The following MSI2 variants were observed in gnomAD, a reference collection of about 807,000 sequenced individuals.
The protein encoded by MSI2 is musashi RNA binding protein 2.
A neutral mutation model predicts 45.6 loss-of-function variants in MSI2; 17 were observed. The observed-to-expected ratio is 0.37, with a 90% CI of 0.26 to 0.56. The LOEUF (loss-of-function observed/expected upper bound fraction) is 0.56, where lower values mean the gene tolerates loss of function less well. Ranked by LOEUF, MSI2 falls within the 20% of genes least tolerant of loss-of-function variation. The pLI is 0.77. For synonymous variants in MSI2, 156 were observed against 158.2 expected (o/e 0.99, Z 0.11); for missense variants, 293 against 444.2 (o/e 0.66, Z 3.06).
At chr17:57,435,141 C>T (rs1450009877) in intron 6 of MSI2, among the ~76,000 whole-genome samples, 2 of 152,032 alleles carry the variant, frequency 1.3e-5, no homozygotes, top group Non-Finnish European at 2.9e-5. Flanking sequence ...CCTTGAGTTG[C>T]AACTTGGGGC....
Position 57,463,990 on chromosome 17 carries a change from C to CGTGT in MSI2, c.405+62546_405+62549dup, listed in dbSNP as rs58522672. On this transcript the variant is annotated intron_variant, in intron 6 of 13. Coordinates refer to ENST00000284073, the MANE Select transcript of MSI2 (RefSeq NM_138962.4). ...ATGTAGTTTGGTTCAGTTTAATGAA[C>CGTGT]GTGTGTGTGTGTGTGTGTGTGTGTG... Among the ~76,000 whole-genome samples the CGTGT allele has an allele frequency of 9.0e-3, 1,315 of 146,372 alleles. 8 individuals carry two copies. Among genetic ancestry groups the CGTGT allele is most frequent in the African/African-American group, 0.014 (536 of 39,626 alleles).
At chr17:57,321,957 C>T (rs1034382798) in intron 5 of MSI2, among the ~76,000 whole-genome samples, 8 of 152,076 alleles carry the variant, frequency 5.3e-5, no homozygotes, top group Admixed American at 1.3e-4. Flanking sequence ...CCACCATGCC[C>T]GGCTAGTTTT....
In MSI2 at chr17:57,675,567, G is replaced by A. The variant is rs548130246; in HGVS notation, c.945+441G>A. On this transcript the variant is annotated intron_variant, in intron 12 of 13. Transcript: ENST00000284073. ...ATCCCCGCTTTCTGGACACTGTCAT[G>A]TGGGCTGGGACCTGAGAGCTGGGAA... 7.2e-5 allele frequency among the ~76,000 whole-genome samples: 11 copies of A among 152,334 alleles called. No individual in the cohort carries two copies. The East Asian group carries it at 2.1e-3, about 29-fold the overall frequency.
intron 10 of MSI2, chr17:57,632,042 C>G: frequency 7.5e-7 from 1 of 1,341,724 alleles, no homozygotes; most frequent in Non-Finnish European, 9.5e-7. Flanking sequence ...TCTCCAGTCC[C>G]CTCCCACTTT....
intron 5 of MSI2, among the ~76,000 whole-genome samples, chr17:57,290,026 G>C (rs1216166650): frequency 6.6e-6 from 1 of 152,250 alleles, no homozygotes; most frequent in African/African-American, 2.4e-5. Context: ...TGGAGAGGGT[G>C]TGGGGAGTCT....
intron 6 of MSI2, among the ~76,000 whole-genome samples, chr17:57,470,545 T>C (rs371349109): frequency 1.2e-3 from 179 of 152,320 alleles, no homozygotes; most frequent in African/African-American, 4.0e-3. Flanking sequence ...CCCAAAGTGC[T>C]GGGGTTACAG....
intron 5 of MSI2, among the ~76,000 whole-genome samples, chr17:57,302,604 C>T (rs1038646077): frequency 6.6e-6 from 1 of 152,188 alleles, no homozygotes; most frequent in Non-Finnish European, 1.5e-5. Flanking sequence ...ATGTTCTCCC[C>T]AGTGCTGTTT....
At chr17:57,504,732 A>G (rs1239082186) in intron 6 of MSI2, among the ~76,000 whole-genome samples, 1 of 152,110 alleles carries the variant, frequency 6.6e-6, no homozygotes, top group Non-Finnish European at 1.5e-5. Flanking sequence ...GGAGTTCGAG[A>G]CCAGCCTGAC....
At chr17:57,343,380 G>C (rs899289518) in intron 5 of MSI2, among the ~76,000 whole-genome samples, 1 of 151,380 alleles carries the variant, frequency 6.6e-6, no homozygotes, top group East Asian at 1.9e-4. Flanking sequence ...TTAAGGATAA[G>C]TTCAAAGAAC....
chr17:57,358,189 C>CTG (rs1278459037), intron 5 of MSI2, among the ~76,000 whole-genome samples: 3 of 60,318 alleles, frequency 5.0e-5, no homozygotes, highest in African/African-American at 1.6e-4. Context: ...GTGGGTTTTT[C>CTG]TGTGTGTGTG....
intron 7 of MSI2, among the ~76,000 whole-genome samples, chr17:57,569,325 T>C (rs1388989387): frequency 6.6e-6 from 1 of 152,158 alleles, no homozygotes; most frequent in Non-Finnish European, 1.5e-5. Flanking sequence ...GTTTGCTCCT[T>C]CCTAGAACAT....
Position 57,373,952 on chromosome 17 carries a change from A to G in MSI2, c.313-27427A>G, listed in dbSNP as rs1010730084. ...TACTCCTTAATTTTCCAGATCCTGCATAACAGAAAGGCTTATGGCGAGGAG... is the reference window on the plus strand; with the variant it reads ...TACTCCTTAATTTTCCAGATCCTGCGTAACAGAAAGGCTTATGGCGAGGAG... On this transcript the variant is annotated intron_variant, in intron 5 of 13. Transcript: ENST00000284073. 3.6e-4 allele frequency among the ~76,000 whole-genome samples: 55 copies of G among 152,244 alleles called. 1 individual carries two copies. The highest frequency in any genetic ancestry group is 4.1e-4 in the Non-Finnish European group (28 of 68,038).
intron 5 of MSI2, among the ~76,000 whole-genome samples, chr17:57,400,768 G>A (rs1010441378): frequency 3.3e-5 from 5 of 152,096 alleles, no homozygotes; most frequent in Admixed American, 6.5e-5. Flanking sequence ...CTGCAGGAAC[G>A]AAAGTGTAGG....
At chr17:57,594,406 T>C (rs1379626141) in intron 7 of MSI2, among the ~76,000 whole-genome samples, 2 of 152,194 alleles carry the variant, frequency 1.3e-5, no homozygotes, top group Non-Finnish European at 2.9e-5. Context: ...TTTAACCTGA[T>C]GTTTTTAAGG....
chr17:57,278,651 C>G (rs1184173993), intron 5 of MSI2: 1 of 153,178 alleles, frequency 6.5e-6, no homozygotes, highest in Non-Finnish European at 1.5e-5. Flanking sequence ...GCCCCCCCAA[C>G]CCCTTGGTGA....
intron 10 of MSI2, among the ~76,000 whole-genome samples, chr17:57,648,161 G>T (rs1271497229): frequency 6.7e-6 from 1 of 149,888 alleles, no homozygotes; most frequent in Non-Finnish European, 1.5e-5. Flanking sequence ...GTGTGTGTGT[G>T]TGTGTGTGTG....
At chr17:57,637,148 G>A (rs1391620271) in intron 10 of MSI2, among the ~76,000 whole-genome samples, 1 of 152,152 alleles carries the variant, frequency 6.6e-6, no homozygotes, top group Non-Finnish European at 1.5e-5. Context: ...CTCATGGCCA[G>A]CCCACTCCTG....
intron 6 of MSI2, among the ~76,000 whole-genome samples, chr17:57,421,109 A>G (rs576865463): frequency 6.6e-6 from 1 of 152,040 alleles, no homozygotes; most frequent in African/African-American, 2.4e-5. Flanking sequence ...ATTTATATCA[A>G]TGGCTGTAAT....
intron 7 of MSI2, among the ~76,000 whole-genome samples, chr17:57,553,364 C>G (rs1008801998): frequency 1.3e-5 from 2 of 152,194 alleles, no homozygotes; most frequent in Non-Finnish European, 2.9e-5. Context: ...CACAGGTCTT[C>G]CTGGACCCCT....
Sources: allele counts gnomAD v4.1 joint callset (sites outside exome capture counted in the v4.1 genomes callset), GRCh38; gene constraint gnomAD v4.1.1; transcripts MANE v1.5; gene names NCBI Gene and HGNC (gene_info 2026-07-23, HGNC 2026-07-21).